Variants in HBS1L observed in about 807,000 individuals in gnomAD.
HBS1L encodes the protein HBS1 like translational GTPase, also known as HBS1-like protein.
In HBS1L, 55 loss-of-function variants were observed where a neutral mutation model predicts 88.9. That is an observed-to-expected ratio of 0.62 (90% CI 0.50 to 0.77). The LOEUF (loss-of-function observed/expected upper bound fraction) is 0.77, where lower values mean the gene tolerates loss of function less well. HBS1L is among the 30% of genes least tolerant of loss of function. The probability of loss-of-function intolerance (pLI) is 0.00; values close to 1 mark genes in which losing one functional copy is unlikely to be tolerated. For synonymous variants in HBS1L, 267 were observed against 288.5 expected, an observed-to-expected ratio of 0.93 and a Z score of 0.76; for missense variants, 741 against 829.3, an observed-to-expected ratio of 0.89 and a Z score of 1.31.
chr6:135,044,359 T>G (rs1406890999), intron 2 of HBS1L, among the ~76,000 whole-genome samples: 1 of 152,208 alleles, frequency 6.6e-6, no homozygotes, highest in Non-Finnish European at 1.5e-5. Flanking sequence ...CACAAAGTTT[T>G]TTAAGAATGC....
chr6:134,999,963 T>G (rs1282223280), intron 5 of HBS1L, among the ~76,000 whole-genome samples: 1 of 152,242 alleles, frequency 6.6e-6, no homozygotes, highest in Non-Finnish European at 1.5e-5. Flanking sequence ...AGGCCTATAA[T>G]TAATTACTGA....
chr6:134,979,296 C>T, intron 13 of HBS1L, 28 bp from the exon 14 acceptor site: 2 of 1,507,374 alleles, frequency 1.3e-6, no homozygotes, highest in Non-Finnish European at 1.8e-6. Flanking sequence ...CCAAAGCATA[C>T]AGTGAAACAC....
At chr6:134,965,919 T>A (rs956527604) in intron 17 of HBS1L, among the ~76,000 whole-genome samples, 1 of 152,200 alleles carries the variant, frequency 6.6e-6, no homozygotes, top group African/African-American at 2.4e-5. Flanking sequence ...TTAAATAAAC[T>A]AGTTTTAGGC....
chr6:134,998,071 A>G (rs1202874996), intron 5 of HBS1L, among the ~76,000 whole-genome samples: 1 of 152,196 alleles, frequency 6.6e-6, no homozygotes, highest in Non-Finnish European at 1.5e-5. Context: ...TTCCAACATG[A>G]TAGACTTATG....
At chr6:135,050,720 T>TG in intron 1 of HBS1L, 73 bp from the exon 2 acceptor site, 4 of 865,494 alleles carry the variant, frequency 4.6e-6, no homozygotes, top group Non-Finnish European at 7.3e-6. Flanking sequence ...TGAGGAAGCA[T>TG]CTGAATCCTC....
intron 4 of HBS1L, among the ~76,000 whole-genome samples, chr6:135,018,601 T>C (rs922953563): frequency 2.0e-5 from 3 of 151,990 alleles, no homozygotes; most frequent in African/African-American, 2.4e-5. Flanking sequence ...GACCATTCTA[T>C]AGCACTAAGA....
At chr6:135,050,345 T>A (rs1363052147) in intron 2 of HBS1L, among the ~76,000 whole-genome samples, 1 of 152,244 alleles carries the variant, frequency 6.6e-6, no homozygotes, top group East Asian at 1.9e-4. Flanking sequence ...ATGCAAAGTA[T>A]GGTGGAAAAG....
intron 3 of HBS1L, among the ~76,000 whole-genome samples, chr6:135,041,595 A>G (rs577693825): frequency 1.3e-5 from 2 of 152,262 alleles, no homozygotes; most frequent in East Asian, 3.9e-4. Context: ...TTAGACTTCA[A>G]CTGGTTTTTT....
At position 134,969,298 on chromosome 6, in the gene HBS1L, A is replaced by G. The variant is rs1774414132; in HGVS notation, c.1838T>C (p.Ile613Thr). 6.2e-7 allele frequency: 1 copy of G among 1,613,768 alleles called. No homozygotes were observed. Among genetic ancestry groups the G allele is most frequent in the African/African-American group, 1.3e-5 (1 of 74,938 alleles). ...GTTTAAGACACTAATCAATCGTTTA[A>G]TAACGGCGGGTTCACTGACAGTTTG... ...HYQTVSEPAV[I>T]KRLISVLNKS... is the part of the protein sequence containing the mutation. Residue 613 changes from isoleucine (I) to threonine (T), a missense_variant, in exon 16 of 18, where the codon ATT (isoleucine) becomes ACT (threonine). Physicochemically the swap from Ile to Thr is moderately conservative, Grantham distance 89. Around this residue, in one of 3 missense-constraint regions of HBS1L, gnomAD observed 181 missense variants for 212.7 expected, o/e 0.85. Coordinates refer to ENST00000367837, the MANE Select transcript of HBS1L (RefSeq NM_006620.4).
chr6:135,031,237 T>G (rs1776374996), intron 4 of HBS1L, among the ~76,000 whole-genome samples: 1 of 152,020 alleles, frequency 6.6e-6, no homozygotes, highest in Non-Finnish European at 1.5e-5. Flanking sequence ...TAAGGTGTCT[T>G]TAAATAGAGA....
At chr6:135,017,415 G>A (rs1468984539) in intron 4 of HBS1L, among the ~76,000 whole-genome samples, 2 of 152,096 alleles carry the variant, frequency 1.3e-5, no homozygotes, top group East Asian at 3.8e-4. Context: ...CTGAATGTAA[G>A]AAATATTACA....
intron 1 of HBS1L, among the ~76,000 whole-genome samples, chr6:135,052,881 C>T (rs1320332926): frequency 6.6e-6 from 1 of 152,100 alleles, no homozygotes; most frequent in African/African-American, 2.4e-5. Context: ...GTAGCGGAAC[C>T]AGTAGGTTTT....
At chr6:134,997,705 G>A (rs200868642) in intron 5 of HBS1L, 49 bp from the exon 6 acceptor site, 255 of 1,534,806 alleles carry the variant, frequency 1.7e-4, no homozygotes, top group Non-Finnish European at 2.2e-4. Flanking sequence ...CTCTATTGAT[G>A]TCCTACAATG....
At chr6:134,994,439 C>T (rs989200818) in intron 7 of HBS1L, among the ~76,000 whole-genome samples, 8 of 152,052 alleles carry the variant, frequency 5.3e-5, no homozygotes, top group Non-Finnish European at 8.8e-5. Context: ...TTCCTGGAGA[C>T]CAACATAGTG....
chr6:135,039,209 C>T (rs1776651354), intron 4 of HBS1L, among the ~76,000 whole-genome samples: 1 of 151,886 alleles, frequency 6.6e-6, no homozygotes, highest in Admixed American at 6.6e-5. Context: ...ATCCCAGTTA[C>T]TTGGGAGGCT....
At chr6:134,969,931 G>A (rs991690578) in intron 15 of HBS1L, among the ~76,000 whole-genome samples, 16 of 152,136 alleles carry the variant, frequency 1.1e-4, no homozygotes, top group African/African-American at 3.6e-4. Flanking sequence ...TGTATTCATT[G>A]TTGAATAAGA....
At chr6:134,996,991 C>A in intron 6 of HBS1L, 49 bp from the exon 7 acceptor site, 2 of 1,320,454 alleles carry the variant, frequency 1.5e-6, no homozygotes, top group South Asian at 1.5e-5. Flanking sequence ...TCCAGATGTT[C>A]ACATTGAGGC....
intron 4 of HBS1L, chr6:135,037,199 T>C (rs1776581236): frequency 6.4e-7 from 1 of 1,551,712 alleles, no homozygotes; most frequent in African/African-American, 1.4e-5. Context: ...TGACAGCGAT[T>C]TGCTAATTGT....
chr6:135,025,515 A>G (rs1776201840), intron 4 of HBS1L, among the ~76,000 whole-genome samples: 1 of 152,178 alleles, frequency 6.6e-6, no homozygotes, highest in South Asian at 2.1e-4. Context: ...GACAAAATTG[A>G]CAATGCTGAC....
Sources: allele counts gnomAD v4.1 joint callset (sites outside exome capture counted in the v4.1 genomes callset), GRCh38; gene constraint gnomAD v4.1.1; regional missense constraint gnomAD v4.1.1; transcripts MANE v1.5; gene names NCBI Gene and HGNC (gene_info 2026-07-23, HGNC 2026-07-21).